The following ZNF302 variants were observed in gnomAD, a reference collection of about 807,000 sequenced individuals.
The protein encoded by ZNF302 is zinc finger protein 327.
Under a neutral mutation model 10.8 loss-of-function variants are expected in ZNF302, and 12 were observed. The observed-to-expected ratio is 1.11, with a 90% CI of 0.71 to 1.79. ZNF302 has a LOEUF of 1.79. Ranked by LOEUF, ZNF302 falls within the 40% of genes most tolerant of loss-of-function variation. The pLI, the probability that ZNF302 is intolerant of heterozygous loss-of-function variation, is 0.00. For synonymous variants in ZNF302, 178 were observed against 157.5 expected (o/e 1.13, Z -0.98); for missense variants, 461 against 471.1 (o/e 0.98, Z 0.20).
chr19:34,684,563 T>C lies in ZNF302; in HGVS notation c.526T>C (p.Ser176Pro), dbSNP rs144593070. ...AAATGGTGGAAAGAAACTTTTAAAT[T>C]CTAATAAAAGTGGGGCAGCCTTCAA... The part of the protein sequence containing the change: ...RINGGKKLLN[S>P]NKSGAAFNQS... Residue 176 changes from serine (S) to proline (P), a missense_variant, in exon 5 of 5, where the codon TCT (serine) becomes CCT (proline). Ser to Pro is a moderately conservative substitution (Grantham distance 74). Coordinates refer to ENST00000505242, the MANE Select transcript of ZNF302 (RefSeq NM_001289187.2). 9 of 1,613,840 alleles carry C rather than the reference T, an allele frequency of 5.6e-6. No individual in the cohort carries two copies. In the East Asian group the frequency reaches 6.7e-5, roughly 12 times the overall value.
In ZNF302 at chr19:34,682,765, T is replaced by G; in HGVS notation, c.10-12T>G. 1.2e-6 allele frequency: 2 copies of G among 1,613,218 alleles called. No homozygotes were observed. The highest frequency in any genetic ancestry group is 1.1e-5 in the South Asian group (1 of 91,028). On this transcript the variant is annotated splice_polypyrimidine_tract_variant and intron_variant, in intron 2 of 4. Transcript: ENST00000505242. ...GGGCTATGGCTGAGCCTAAATATAT[T>G]TGCTATTTCAGGTGACATTTAGTGA...
At position 34,684,710 on chromosome 19, in the gene ZNF302, G is replaced by A; in HGVS notation, c.673G>A (p.Gly225Arg). 2 of 1,614,016 alleles carry A rather than the reference G, an allele frequency of 1.2e-6. No individual in the cohort carries two copies. Among genetic ancestry groups the A allele is most frequent in the Non-Finnish European group, 1.7e-6 (2 of 1,179,930 alleles). The stretch of plus-strand genomic sequence containing the variant: ...CAGTCGCCACTGGAGAATTCATACA[G>A]GAGAGAAGCCCTATGAATGTCGTGA... ...ILSRHWRIHT[G>R]EKPYECRECG... Residue 225 changes from glycine to arginine, a missense_variant, in exon 5 of 5, where the codon GGA becomes AGA. Transcript: ENST00000505242.
chr19:34,683,887 C>T, intron 4 of ZNF302: 1 of 991,808 alleles, frequency 1.0e-6, no homozygotes, highest in South Asian at 4.1e-5. Context: ...CAACCTTTCC[C>T]ACATGAATAT....
chr19:34,684,484 T>C lies in ZNF302; in HGVS notation c.447T>C (p.Tyr149=). 6.2e-7 allele frequency: 1 copy of C among 1,612,676 alleles called. No homozygotes were observed. ...NNSAEGNSHK[Y]DILKKNLSKK... is the part of the protein sequence containing the mutation. Reference sequence around the variant, plus strand: ...CTGCTGAAGGGAATTCACACAAATATGATATATTAAAGAAGAATTTATCAA... The same window carrying C: ...CTGCTGAAGGGAATTCACACAAATACGATATATTAAAGAAGAATTTATCAA... Residue 149 remains tyrosine, a synonymous_variant, in exon 5 of 5, where the codon TAT becomes TAC. Transcript: ENST00000505242.
rs947643758 is a variant in ZNF302 at position 34,685,968 on chromosome 19, G to C, written c.*731G>C. On this transcript the variant is annotated 3_prime_UTR_variant, in exon 5 of 5. Coordinates refer to ENST00000505242, the MANE Select transcript of ZNF302 (RefSeq NM_001289187.2). ...AAGTTGTATGAATGTGGAAACTTTA[G>C]AAATTGAAGGAATTTTTCAGTTCCA... 1.3e-5 allele frequency: 2 copies of C among 158,266 alleles called. No individual in the cohort carries two copies. The highest frequency in any genetic ancestry group is 4.8e-5 in the African/African-American group (2 of 41,574). 9.8% of individuals were successfully genotyped at this position (158,266 alleles called of 1,614,324 possible).
intron 4 of ZNF302, chr19:34,683,935 C>T (rs1980449321): frequency 4.0e-6 from 5 of 1,252,938 alleles, no homozygotes; most frequent in Non-Finnish European, 2.0e-6. Flanking sequence ...GAATGCCTTC[C>T]ACATCTTATT....
chr19:34,678,399 C>T (rs2145247315), intron 1 of ZNF302, among the ~76,000 whole-genome samples: 1 of 146,656 alleles, frequency 6.8e-6, no homozygotes, highest in East Asian at 2.0e-4. Flanking sequence ...CTCCATTGCA[C>T]TCCAGCCTGG....
In ZNF302 at chr19:34,684,998, G is replaced by A. The variant is rs1206189316; in HGVS notation, c.961G>A (p.Ala321Thr). Reference protein sequence around the residue: ...KRYECRICGKAFIHSSSLIHH... With the variant: ...KRYECRICGKTFIHSSSLIHH... The stretch of plus-strand genomic sequence containing the variant: ...CTATGAGTGTCGTATATGTGGAAAG[G>A]CCTTCATTCATAGTTCGTCTCTCAT... The change falls in exon 5 of 5, where the codon GCC becomes ACC. Residue 321 changes from alanine (A) to threonine (T), a missense_variant. Ala to Thr is a moderately conservative substitution (Grantham distance 58, BLOSUM62 0). Transcript: ENST00000505242. 4 of 1,613,832 alleles carry A rather than the reference G, an allele frequency of 2.5e-6. No homozygotes were observed. The Admixed American group carries it at 6.7e-5, about 27-fold the overall frequency.
rs1245815664 is a variant in ZNF302 at position 34,685,180 on chromosome 19, C to T, written c.1143C>T (p.Phe381=). ...CNKCLKVFSS[F]SFLVQHQSIH... ...AATGTCTCAAGGTCTTTAGTAGCTTCTCATTTCTTGTTCAACATCAGAGTA... is the reference window on the plus strand; with the variant it reads ...AATGTCTCAAGGTCTTTAGTAGCTTTTCATTTCTTGTTCAACATCAGAGTA... Residue 381 remains phenylalanine (F), a synonymous_variant, in exon 5 of 5, where the codon TTC becomes TTT. Coordinates refer to ENST00000505242, the MANE Select transcript of ZNF302 (RefSeq NM_001289187.2). 2 of 1,605,810 alleles carry T rather than the reference C, an allele frequency of 1.2e-6. No homozygotes were observed. The highest frequency in any genetic ancestry group is 1.7e-6 in the Non-Finnish European group (2 of 1,176,948).
At chr19:34,679,920 G>A in intron 2 of ZNF302, 1 of 703,032 alleles carries the variant, frequency 1.4e-6, no homozygotes, top group Non-Finnish European at 2.6e-6. Context: ...TGGTGGGGCA[G>A]AATCATGGCA....
rs1568452595 is a variant in ZNF302, at chr19:34,678,800, GA to G, written c.-3del. ...ACTCTGTTGGCCATTGGAAATTGCA[GA>G]ATAATGTCTCAGGTAAGTCGGTGTG... On this transcript the variant is annotated 5_prime_UTR_variant, in exon 2 of 5. Transcript: ENST00000505242. 6.2e-7 allele frequency: 1 copy of G among 1,613,926 alleles called. No individual in the cohort carries two copies. Among genetic ancestry groups the G allele is most frequent in the Non-Finnish European group, 8.5e-7 (1 of 1,179,838 alleles).
In ZNF302 at chr19:34,685,279, G is replaced by A; in HGVS notation, c.*42G>A. The A allele has an allele frequency of 6.2e-7, 1 of 1,613,846 alleles. No homozygotes were observed. The highest frequency in any genetic ancestry group is 1.1e-5 in the South Asian group (1 of 91,048). On this transcript the variant is annotated 3_prime_UTR_variant, in exon 5 of 5. Transcript: ENST00000505242. ...TCAACCAGCTTGAATCACTGAATAT[G>A]CATTTGAGAAATCACATTAGATTGA...
Position 34,685,657 on chromosome 19 carries a change from C to A in ZNF302, c.*420C>A. The A allele has an allele frequency of 1.2e-6, 1 of 807,718 alleles. No homozygotes were observed. The highest frequency in any genetic ancestry group is 2.0e-6 in the Non-Finnish European group (1 of 488,326). The allele number at this position is 807,718 out of a possible 1,614,324, so 50.0% of individuals were successfully genotyped here. ...GAGAAGCAGTGTTTATCACGGTAAA[C>A]TTCATTCATAGATCCTCCCTTATTT... On this transcript the variant is annotated 3_prime_UTR_variant, in exon 5 of 5. Coordinates refer to ENST00000505242, the MANE Select transcript of ZNF302 (RefSeq NM_001289187.2).
chr19:34,684,182 A>T (rs758259359), intron 4 of ZNF302, 70 bp from the exon 5 acceptor site: 1 of 258,620 alleles, frequency 3.9e-6, no homozygotes, highest in Non-Finnish European at 4.4e-6. Flanking sequence ...AAAAAAAAAA[A>T]AAAAAAAAAA....
In ZNF302 at chr19:34,685,404, T is replaced by A; in HGVS notation, c.*167T>A. 6.2e-7 allele frequency: 1 copy of A among 1,608,760 alleles called. No homozygotes were observed. Among genetic ancestry groups the A allele is most frequent in the East Asian group, 2.2e-5 (1 of 44,836 alleles). Reference sequence around the variant, plus strand: ...ACTGGAGAGAAACCTTACGAATGTATTAAATGTGGGAAGACCTTCAGCTGT... The same window carrying A: ...ACTGGAGAGAAACCTTACGAATGTAATAAATGTGGGAAGACCTTCAGCTGT... On this transcript the variant is annotated 3_prime_UTR_variant, in exon 5 of 5. Transcript: ENST00000505242.
intron 2 of ZNF302, among the ~76,000 whole-genome samples, chr19:34,679,165 C>T (rs1279220505): frequency 6.6e-6 from 1 of 152,188 alleles, no homozygotes; most frequent in African/African-American, 2.4e-5. Context: ...TTGATTCTTC[C>T]TTTTGACTTA....
At chr19:34,676,017 A>C (rs892154481), upstream of ZNF302, 1 of 152,244 alleles carries the variant, frequency 6.6e-6, no homozygotes, top group Non-Finnish European at 1.5e-5. Flanking sequence ...ACACCTGGGA[A>C]GTAGACCCCA....
chr19:34,684,826 G>A lies in ZNF302; in HGVS notation c.789G>A (p.Gly263=). 6.2e-7 allele frequency: 1 copy of A among 1,613,912 alleles called. No individual in the cohort carries two copies. Residue 263 remains glycine (G), a synonymous_variant, in exon 5 of 5, where the codon GGG becomes GGA. Transcript: ENST00000505242. Reference sequence around the variant, plus strand: ...AACCTTACAAATGCATTGAATGTGGGAAGGCCTTTAGCCATGGCTCATCAC... The same window carrying A: ...AACCTTACAAATGCATTGAATGTGGAAAGGCCTTTAGCCATGGCTCATCAC... ...GEKPYKCIEC[G]KAFSHGSSLT...
chr19:34,682,029 A>G (rs901790381), intron 2 of ZNF302: 3 of 152,262 alleles, frequency 2.0e-5, no homozygotes, highest in African/African-American at 7.2e-5. Flanking sequence ...TGGGAAGTCC[A>G]AGATCAAGAG....
Sources: allele counts gnomAD v4.1 joint callset (sites outside exome capture counted in the v4.1 genomes callset), GRCh38; gene constraint gnomAD v4.1.1; transcripts MANE v1.5; gene names NCBI Gene and HGNC (gene_info 2026-07-23, HGNC 2026-07-21).